The following RPSA2 variants were observed in gnomAD, a reference collection of about 807,000 sequenced individuals.
The protein encoded by RPSA2 is small ribosomal subunit protein uS2B.
chr19:23,778,613 T>A, the RPSA2 span, among the ~76,000 whole-genome samples: 2 of 152,158 alleles, frequency 1.3e-5, no homozygotes, highest in Non-Finnish European at 2.9e-5. Flanking sequence ...GCCTGGTCCA[T>A]GCCCACAGAA....
chr19:23,856,300 T>C, the RPSA2 span, among the ~76,000 whole-genome samples: 2 of 152,038 alleles, frequency 1.3e-5, no homozygotes, highest in Admixed American at 1.3e-4. Flanking sequence ...ACCAACACGA[T>C]CCCATAGTTC....
the RPSA2 span, chr19:23,808,900 G>T: frequency 2.9e-6 from 1 of 341,450 alleles, no homozygotes; most frequent in African/African-American, 2.2e-5. Context: ...TTGGGAAGCT[G>T]TGTTCAAAAG....
chr19:23,782,613 G>T, the RPSA2 span: 1 of 152,162 alleles, frequency 6.6e-6, no homozygotes, highest in African/African-American at 2.4e-5. Flanking sequence ...TAATTATTTT[G>T]CCTGGTCCCT....
chr19:23,808,760 C>T, the RPSA2 span: 2 of 911,960 alleles, frequency 2.2e-6, no homozygotes, highest in African/African-American at 3.4e-5. Context: ...CTATCTGGAG[C>T]GAGAAAAAGA....
the RPSA2 span, among the ~76,000 whole-genome samples, chr19:23,850,654 T>A: frequency 6.6e-6 from 1 of 151,750 alleles, no homozygotes; most frequent in Non-Finnish European, 1.5e-5. Flanking sequence ...AACACAAGCA[T>A]ACCCTCTTCC....
chr19:23,842,257 C>G, the RPSA2 span, among the ~76,000 whole-genome samples: 148,993 of 152,322 alleles, frequency 0.98, 72,961 homozygotes, highest in Middle Eastern at 1. Flanking sequence ...TCTGTATAAT[C>G]TAAATATGGC....
the RPSA2 span, among the ~76,000 whole-genome samples, chr19:23,870,913 C>T: frequency 2.6e-5 from 4 of 152,302 alleles, no homozygotes; most frequent in East Asian, 7.7e-4. Context: ...CTCACATCTG[C>T]ACCTGACACT....
chr19:23,858,877 A>G, the RPSA2 span, among the ~76,000 whole-genome samples: 1 of 152,148 alleles, frequency 6.6e-6, no homozygotes, highest in Admixed American at 6.5e-5. Flanking sequence ...GATCCAACCA[A>G]TCTTTGAGCC....
the RPSA2 span, among the ~76,000 whole-genome samples, chr19:23,865,223 C>T: frequency 1.1e-4 from 16 of 152,282 alleles, no homozygotes; most frequent in Middle Eastern, 3.4e-3. Flanking sequence ...TTCTGAATGA[C>T]GGTACCATGG....
At chr19:23,825,025 G>C in the RPSA2 span, among the ~76,000 whole-genome samples, 1 of 151,860 alleles carries the variant, frequency 6.6e-6, no homozygotes, top group Non-Finnish European at 1.5e-5. Flanking sequence ...TGTTTCCCAG[G>C]CTGGAGTGCA....
the RPSA2 span, among the ~76,000 whole-genome samples, chr19:23,786,193 T>G: frequency 6.6e-6 from 1 of 152,222 alleles, no homozygotes; most frequent in Non-Finnish European, 1.5e-5. Flanking sequence ...GGCTCTCATG[T>G]GCCAATCCAG....
the RPSA2 span, among the ~76,000 whole-genome samples, chr19:23,764,760 T>TA: frequency 6.6e-6 from 1 of 150,772 alleles, no homozygotes; most frequent in South Asian, 2.1e-4. Context: ...ACATTTTATG[T>TA]GAGAAAAAAA....
At chr19:23,823,037 C>T in the RPSA2 span, among the ~76,000 whole-genome samples, 1 of 152,128 alleles carries the variant, frequency 6.6e-6, no homozygotes, top group Admixed American at 6.5e-5. Context: ...CCCTGACTGT[C>T]CTCTGACCCC....
chr19:23,828,161 A>G, the RPSA2 span: 1 of 645,772 alleles, frequency 1.5e-6, no homozygotes, highest in East Asian at 2.7e-5. Flanking sequence ...GAGTCTATAA[A>G]TGACTACTTA....
chr19:23,871,053 A>T, the RPSA2 span, among the ~76,000 whole-genome samples: 1 of 152,166 alleles, frequency 6.6e-6, no homozygotes, highest in Non-Finnish European at 1.5e-5. Context: ...CTGACTGACA[A>T]TCAGCCCCTT....
the RPSA2 span, among the ~76,000 whole-genome samples, chr19:23,815,669 G>A: frequency 6.6e-6 from 1 of 152,038 alleles, no homozygotes; most frequent in Non-Finnish European, 1.5e-5. Context: ...GATTAATACG[G>A]TCTGCAATGT....
At chr19:23,759,606 C>A in the RPSA2 span, among the ~76,000 whole-genome samples, 2 of 146,006 alleles carry the variant, frequency 1.4e-5, no homozygotes, top group Admixed American at 7.0e-5. Flanking sequence ...TCACAACAAC[C>A]TCTGCCTCCT....
At chr19:23,825,006 GTC>G in the RPSA2 span, among the ~76,000 whole-genome samples, 1 of 151,542 alleles carries the variant, frequency 6.6e-6, no homozygotes, top group Non-Finnish European at 1.5e-5. Context: ...TTGAGATGGA[GTC>G]TCGCTCTGTT....
chr19:23,806,024 TA>T, the RPSA2 span, among the ~76,000 whole-genome samples: 10 of 145,304 alleles, frequency 6.9e-5, no homozygotes, highest in African/African-American at 2.6e-4. Context: ...TCTATCTATC[TA>T]TCTATCTATC....
Sources: allele counts gnomAD v4.1 joint callset (sites outside exome capture counted in the v4.1 genomes callset), GRCh38; gene constraint gnomAD v4.1.1; transcripts MANE v1.5; gene names NCBI Gene and HGNC (gene_info 2026-07-23, HGNC 2026-07-21).